Variants in SV2C observed in about 807,000 individuals in gnomAD.
SV2C encodes the protein solute carrier family 22 member B3.
SV2C carries 49 observed loss-of-function variants against 79.7 expected under a neutral mutation model. The ratio of observed to expected loss-of-function variants is 0.61; its 90% confidence interval spans 0.49 to 0.78. SV2C has a LOEUF of 0.78. Ranked by LOEUF, SV2C falls within the 30% of genes least tolerant of loss-of-function variation. The pLI is 0.00. For missense variants in SV2C, 833 were observed against 912.9 expected (o/e 0.91, Z 1.13); for synonymous variants, 334 against 333.2 (o/e 1.00, Z -0.03).
chr5:75,880,143 TG>T, the SV2C span, among the ~76,000 whole-genome samples: 4 of 151,676 alleles, frequency 2.6e-5, no homozygotes, highest in South Asian at 8.3e-4. Flanking sequence ...GGACCTGTTA[TG>T]GGAGGGGCTG....
chr5:76,272,042 A>C (rs1005975393), intron 4 of SV2C, among the ~76,000 whole-genome samples: 1 of 152,178 alleles, frequency 6.6e-6, no homozygotes, highest in African/African-American at 2.4e-5. Flanking sequence ...TGAGCTAAGC[A>C]GCTGTTTCAA....
chr5:75,877,348 CCATTTT>C, the SV2C span, among the ~76,000 whole-genome samples: 1 of 151,874 alleles, frequency 6.6e-6, no homozygotes, highest in Non-Finnish European at 1.5e-5. Flanking sequence ...ACTTCAATAT[CCATTTT>C]CAGTAGTAGA....
In SV2C at chr5:76,301,530, A is replaced by G; in HGVS notation, c.1985A>G (p.Tyr662Cys). Residue 662 changes from tyrosine to cysteine, a missense_variant, in exon 12 of 13, where the codon TAC (tyrosine) becomes TGC (cysteine). Coordinates refer to ENST00000502798, the MANE Select transcript of SV2C (RefSeq NM_014979.4). ...CTTGACGTGGTCACTGTGGAACTGT[A>G]CCCCACAGACCGGAGGTATGTTGAA... is the stretch of plus-strand genomic sequence containing the variant. ...NSLDVVTVEL[Y>C]PTDRRATGFG... is the part of the protein sequence containing the mutation. The G allele has an allele frequency of 6.2e-7, 1 of 1,613,442 alleles. No homozygotes were observed. Among genetic ancestry groups the G allele is most frequent in the Non-Finnish European group, 8.5e-7 (1 of 1,179,684 alleles).
the SV2C span, among the ~76,000 whole-genome samples, chr5:75,942,899 G>C: frequency 6.6e-6 from 1 of 152,140 alleles, no homozygotes; most frequent in Non-Finnish European, 1.5e-5. Flanking sequence ...ATGCGATAGT[G>C]CATGTCTGTA....
intron 2 of SV2C, among the ~76,000 whole-genome samples, chr5:76,137,951 T>A (rs1028630234): frequency 3.3e-5 from 5 of 152,234 alleles, no homozygotes; most frequent in Admixed American, 6.5e-5. Context: ...AACAAAAAAA[T>A]TTTAATATCT....
At chr5:76,160,034 T>TA (rs988040857) in intron 2 of SV2C, among the ~76,000 whole-genome samples, 13 of 151,716 alleles carry the variant, frequency 8.6e-5, no homozygotes, top group East Asian at 1.9e-4. Context: ...TTCAAAAACT[T>TA]AAAAAAAATT....
chr5:76,257,584 G>T (rs372429062), intron 4 of SV2C, among the ~76,000 whole-genome samples: 2 of 151,242 alleles, frequency 1.3e-5, no homozygotes, highest in South Asian at 4.2e-4. Context: ...ATGGATATGT[G>T]TGGTATGGGG....
At chr5:76,073,620 C>T in the SV2C span, among the ~76,000 whole-genome samples, 1 of 146,154 alleles carries the variant, frequency 6.8e-6, no homozygotes. Context: ...TAAATGGAGA[C>T]TATTATTCTA....
rs147327810 is a variant in SV2C, at chr5:76,268,870, G to A, written c.914-16292G>A. On this transcript the variant is annotated intron_variant, in intron 4 of 12. Coordinates refer to ENST00000502798, the MANE Select transcript of SV2C (RefSeq NM_014979.4). ...TATAGTTTAACTTTATAACAAAAAAGTATATTCAAAAGAGCTTATAATTGC... is the reference window on the plus strand; with the variant it reads ...TATAGTTTAACTTTATAACAAAAAAATATATTCAAAAGAGCTTATAATTGC... Among the ~76,000 whole-genome samples the A allele has an allele frequency of 1.8e-4, 28 of 152,238 alleles. No individual in the cohort carries two copies. The East Asian group carries it at 1.9e-3, about 10-fold the overall frequency.
chr5:76,061,050 T>G, the SV2C span, among the ~76,000 whole-genome samples: 1 of 151,986 alleles, frequency 6.6e-6, no homozygotes, highest in Admixed American at 6.6e-5. Flanking sequence ...GTTTGACATC[T>G]TATATGGGCA....
intron 4 of SV2C, among the ~76,000 whole-genome samples, chr5:76,226,783 A>G (rs1490601941): frequency 6.6e-6 from 1 of 152,168 alleles, no homozygotes; most frequent in East Asian, 1.9e-4. Context: ...AGAGGAAGAC[A>G]CGGGTGATGG....
Position 76,273,950 on chromosome 5 carries a change from G to A in SV2C, c.914-11212G>A, listed in dbSNP as rs576350227. On this transcript the variant is annotated intron_variant, in intron 4 of 12. Coordinates refer to ENST00000502798, the MANE Select transcript of SV2C (RefSeq NM_014979.4). ...GGGTCCAAGATTAGAATATGACTGC[G>A]GTTATAGGTCAAAAGATTAAAGGTC... Among the ~76,000 whole-genome samples, 7 of 152,262 alleles carry A rather than the reference G, an allele frequency of 4.6e-5. No individual in the cohort carries two copies. The South Asian group carries it at 1.0e-3, about 23-fold the overall frequency.
chr5:76,337,756 G>A (rs1472246965), downstream of SV2C, among the ~76,000 whole-genome samples: 2 of 152,146 alleles, frequency 1.3e-5, no homozygotes, highest in African/African-American at 2.4e-5. Context: ...AGCCTGGCTA[G>A]GCTACTCTGA....
intron 10 of SV2C, 68 bp from the exon 11 acceptor site, chr5:76,300,661 T>C (rs1191021160): frequency 3.3e-6 from 5 of 1,511,916 alleles, no homozygotes; most frequent in Non-Finnish European, 4.6e-6. Context: ...GAATCCTCCA[T>C]AGGCTTTCTT....
At chr5:75,997,153 C>T in the SV2C span, among the ~76,000 whole-genome samples, 54,035 of 151,164 alleles carry the variant, frequency 0.36, 10,593 homozygotes, top group East Asian at 0.62. Context: ...TTTTGAGATA[C>T]GTCCCATCAA....
chr5:76,123,530 T>C (rs542309043), intron 1 of SV2C, among the ~76,000 whole-genome samples: 1 of 152,318 alleles, frequency 6.6e-6, no homozygotes, highest in East Asian at 1.9e-4. Flanking sequence ...TTATCCACCA[T>C]GATCAAGTGG....
chr5:76,194,013 A>G (rs1744188432), intron 2 of SV2C, among the ~76,000 whole-genome samples: 1 of 152,200 alleles, frequency 6.6e-6, no homozygotes, highest in Non-Finnish European at 1.5e-5. Context: ...GAATGCAGAC[A>G]GCTTGTCTTT....
At chr5:76,136,350 A>G (rs1749068935) in intron 2 of SV2C, among the ~76,000 whole-genome samples, 1 of 152,348 alleles carries the variant, frequency 6.6e-6, no homozygotes, top group East Asian at 1.9e-4. Flanking sequence ...AGAAAAATGG[A>G]GACAGCAAGA....
the SV2C span, among the ~76,000 whole-genome samples, chr5:75,885,183 C>T: frequency 6.6e-6 from 1 of 152,226 alleles, no homozygotes; most frequent in African/African-American, 2.4e-5. Flanking sequence ...CCCTCCCATC[C>T]CCAAACCCTA....
Sources: gnomAD v4.1 joint callset for allele counts (sites outside exome capture counted in the v4.1 genomes callset) on GRCh38, gnomAD v4.1.1 for gene constraint, MANE v1.5 for transcripts, NCBI Gene and HGNC (gene_info 2026-07-23, HGNC 2026-07-21) for gene names.